The following MIB1 variants were observed in gnomAD, a reference collection of about 807,000 sequenced individuals.
MIB1 encodes the protein MIB E3 ubiquitin protein ligase 1, also known as E3 ubiquitin-protein ligase MIB1.
MIB1 carries 278 observed loss-of-function variants against 124.5 expected under a neutral mutation model. The observed-to-expected ratio is 2.23, with a 90% CI of 2.02 to 2.47. The LOEUF (loss-of-function observed/expected upper bound fraction) is 2.47. MIB1 is among the 30% of genes most tolerant of loss of function. The pLI is 0.00. For missense variants in MIB1, 957 were observed against 1,254.4 expected (o/e 0.76, Z 3.58); for synonymous variants, 446 against 429.4 (o/e 1.04, Z -0.48).
intron 1 of MIB1, among the ~76,000 whole-genome samples, chr18:21,723,758 C>T (rs1198383740): frequency 1.3e-5 from 2 of 152,254 alleles, no homozygotes; most frequent in African/African-American, 4.8e-5. Context: ...TCGTGATCCA[C>T]CCGCCTCAGC....
intron 1 of MIB1, among the ~76,000 whole-genome samples, chr18:21,755,604 C>T (rs770217024): frequency 1.3e-5 from 2 of 152,114 alleles, no homozygotes; most frequent in African/African-American, 2.4e-5. Flanking sequence ...CGTGAGCCAC[C>T]GTGCCCGGCC....
intron 1 of MIB1, among the ~76,000 whole-genome samples, chr18:21,746,668 G>C (rs1370739922): frequency 6.6e-6 from 1 of 152,154 alleles, no homozygotes; most frequent in East Asian, 1.9e-4. Context: ...ATTGTTACCA[G>C]AGATAATGGA....
chr18:21,757,589 A>G (rs1305948242), intron 1 of MIB1, among the ~76,000 whole-genome samples: 2 of 148,592 alleles, frequency 1.3e-5, no homozygotes, highest in Non-Finnish European at 1.5e-5. Flanking sequence ...GGTTCAAGCA[A>G]TTCTCCTGCC....
Position 21,803,996 on chromosome 18 carries a change from C to T in MIB1, c.1461C>T (p.Asn487=), listed in dbSNP as rs764786020. The T allele has an allele frequency of 3.3e-5, 53 of 1,612,590 alleles. No homozygotes were observed. Among genetic ancestry groups the T allele is most frequent in the Middle Eastern group, 3.4e-4 (2 of 5,932 alleles). The stretch of plus-strand genomic sequence containing the variant: ...TTTTGAAGTTACTTTTGAAGCAAAA[C>T]GTGGATGTCGAAGCAGAGGTAAGTA... ...VDILKLLLKQ[N]VDVEAEDKDG... is the part of the protein sequence containing the mutation. The change falls in exon 10 of 21, where the codon AAC becomes AAT. Residue 487 remains asparagine (N), a synonymous_variant. Transcript: ENST00000261537.
intron 10 of MIB1, among the ~76,000 whole-genome samples, chr18:21,809,189 C>T (rs1362509703): frequency 6.6e-6 from 1 of 152,010 alleles, no homozygotes; most frequent in Non-Finnish European, 1.5e-5. Context: ...TTCTAGAACA[C>T]AAAACCTGTC....
intron 1 of MIB1, among the ~76,000 whole-genome samples, chr18:21,760,440 G>T (rs1398143655): frequency 6.6e-6 from 1 of 152,162 alleles, no homozygotes; most frequent in Non-Finnish European, 1.5e-5. Flanking sequence ...AGTGGAATGG[G>T]TTGCTTTGTT....
At chr18:21,840,728 G>C (rs2042080925) in intron 13 of MIB1, among the ~76,000 whole-genome samples, 1 of 149,858 alleles carries the variant, frequency 6.7e-6, no homozygotes, top group East Asian at 2.0e-4. Context: ...GTACTTGGGA[G>C]GCTGAGATGG....
At chr18:21,758,848 T>G (rs1387992526) in intron 1 of MIB1, among the ~76,000 whole-genome samples, 1 of 152,138 alleles carries the variant, frequency 6.6e-6, no homozygotes, top group East Asian at 1.9e-4. Context: ...ATAAATTTTT[T>G]TTGATGTTAG....
intron 17 of MIB1, among the ~76,000 whole-genome samples, chr18:21,852,469 C>T (rs1941973): frequency 0.84 from 128,018 of 152,122 alleles, 54,575 homozygotes; most frequent in South Asian, 0.91. Context: ...GGTAGGGATA[C>T]AGGAAGCCAG....
rs529699151 is a variant in MIB1, at chr18:21,764,274, CTCTTCCTTCCT to C, written c.230-1497_230-1487del. Among the ~76,000 whole-genome samples, 57 of 152,170 alleles carry C rather than the reference CTCTTCCTTCCT, an allele frequency of 3.7e-4. 1 individual carries two copies. The South Asian group carries it at 9.3e-3, about 25-fold the overall frequency. ...CTTCCCTCCTTCCTGCCTTCCCTCC[CTCTTCCTTCCT>C]GATCCTTGCCCCTCCCCTCCCTTTC... is the stretch of plus-strand genomic sequence containing the variant. On this transcript the variant is annotated intron_variant, in intron 1 of 20. Transcript: ENST00000261537.
At position 21,751,211 on chromosome 18, in the gene MIB1, G is replaced by T. The variant is rs780037003; in HGVS notation, c.229+9399G>T. Among the ~76,000 whole-genome samples the T allele has an allele frequency of 3.3e-5, 5 of 150,610 alleles. 1 individual carries two copies. The South Asian group carries it at 1.0e-3, about 31-fold the overall frequency. On this transcript the variant is annotated intron_variant, in intron 1 of 20. Transcript: ENST00000261537. Reference sequence around the variant, plus strand: ...AATGAGACCCAGTCTCAAACAGAGGGGAAAAAAAAAGAAAAGAAAAAGATT... The same window carrying T: ...AATGAGACCCAGTCTCAAACAGAGGTGAAAAAAAAAGAAAAGAAAAAGATT...
At chr18:21,801,258 C>T (rs1202426333) in intron 9 of MIB1, among the ~76,000 whole-genome samples, 1 of 151,928 alleles carries the variant, frequency 6.6e-6, no homozygotes, top group East Asian at 1.9e-4. Context: ...CTTTTGATAC[C>T]TCACAGTGGA....
intron 20 of MIB1, among the ~76,000 whole-genome samples, chr18:21,861,853 T>C (rs1041665236): frequency 1.8e-4 from 27 of 152,180 alleles, no homozygotes; most frequent in African/African-American, 6.0e-4. Flanking sequence ...CAAAGACCTC[T>C]TGAAAATTTA....
chr18:21,708,870 A>C (rs2040652557), intron 1 of MIB1, among the ~76,000 whole-genome samples: 1 of 152,212 alleles, frequency 6.6e-6, no homozygotes, highest in African/African-American at 2.4e-5. Flanking sequence ...TTCCAGATGC[A>C]GCAGGTACAC....
intron 20 of MIB1, among the ~76,000 whole-genome samples, chr18:21,860,071 G>C (rs924601751): frequency 1.4e-5 from 2 of 138,238 alleles, no homozygotes; most frequent in Admixed American, 7.2e-5. Flanking sequence ...ACTTTAACCT[G>C]GGTGTTGGTT....
At chr18:21,853,111 T>A in intron 17 of MIB1, 29 bp from the exon 18 acceptor site, 1 of 1,452,782 alleles carries the variant, frequency 6.9e-7, no homozygotes, top group Non-Finnish European at 9.7e-7. Context: ...CTGTAAATGG[T>A]CACTGTGCTG....
intron 10 of MIB1, among the ~76,000 whole-genome samples, chr18:21,810,620 C>A (rs1304672495): frequency 6.6e-6 from 1 of 151,626 alleles, no homozygotes; most frequent in African/African-American, 2.4e-5. Context: ...GGGTCCAAGA[C>A]AATTTAATGG....
chr18:21,726,637 C>T (rs2040743370), intron 1 of MIB1, among the ~76,000 whole-genome samples: 1 of 152,118 alleles, frequency 6.6e-6, no homozygotes, highest in Non-Finnish European at 1.5e-5. Flanking sequence ...TAAGACTTGC[C>T]TATTGTGTAA....
chr18:21,768,834 C>T, intron 3 of MIB1, 82 bp downstream of exon 3: 2 of 1,234,306 alleles, frequency 1.6e-6, no homozygotes, highest in East Asian at 6.2e-5. Flanking sequence ...AAATGAATTT[C>T]TTGGTCCATT....
Sources: gnomAD v4.1 joint callset for allele counts (sites outside exome capture counted in the v4.1 genomes callset) on GRCh38, gnomAD v4.1.1 for gene constraint, MANE v1.5 for transcripts, NCBI Gene and HGNC (gene_info 2026-07-23, HGNC 2026-07-21) for gene names.